The following SYTL5 variants were observed in gnomAD, a reference collection of about 807,000 sequenced individuals.
The protein encoded by SYTL5 is synaptotagmin like 5, also known as synaptotagmin-like protein 5.
SYTL5 carries 34 observed loss-of-function variants against 55.9 expected under a neutral mutation model. The ratio of observed to expected loss-of-function variants is 0.61; its 90% CI spans 0.46 to 0.81. The LOEUF (loss-of-function observed/expected upper bound fraction) is 0.81, where lower values mean the gene tolerates loss of function less well. Among genes scored for constraint, SYTL5 ranks in the 30% least tolerant of loss-of-function variants. The probability of loss-of-function intolerance (pLI) is 0.00; values close to 1 mark genes in which losing one functional copy is unlikely to be tolerated. For missense variants in SYTL5, 637 were observed against 546.7 expected, an observed-to-expected ratio of 1.17 and a Z score of -1.65; for synonymous variants, 221 against 188.7, an observed-to-expected ratio of 1.17 and a Z score of -1.40.
the SYTL5 span, among the ~76,000 whole-genome samples, chrX:37,916,190 A>G: frequency 2.7e-5 from 3 of 111,586 alleles, no homozygotes; most frequent in Admixed American, 9.5e-5. Flanking sequence ...CCACTTTAGA[A>G]TAACTCCCTA....
intron 12 of SYTL5, 118 bp from the exon 13 acceptor site, chrX:38,110,203 G>T: frequency 2.2e-6 from 1 of 462,145 alleles, no homozygotes; most frequent in Non-Finnish European, 3.4e-6. Flanking sequence ...CTTTGTGTTT[G>T]TTTTGTTCAT....
At chrX:37,933,503 C>G in the SYTL5 span, among the ~76,000 whole-genome samples, 3 of 111,665 alleles carry the variant, frequency 2.7e-5, no homozygotes, top group Non-Finnish European at 5.6e-5. Flanking sequence ...GTCTGTGGTT[C>G]CCTGAAAGAT....
the SYTL5 span, among the ~76,000 whole-genome samples, chrX:37,993,426 G>C: frequency 8.9e-6 from 1 of 112,253 alleles, no homozygotes; most frequent in Non-Finnish European, 1.9e-5. Flanking sequence ...CTGTCACCAA[G>C]TTTGCCTAGC....
At chrX:38,040,313 T>G (rs1041234529) in intron 2 of SYTL5, among the ~76,000 whole-genome samples, 3 of 111,994 alleles carry the variant, frequency 2.7e-5, no homozygotes, top group African/African-American at 9.7e-5. Context: ...CCTCAAGTGT[T>G]TATCCCTTGA....
intron 1 of SYTL5, among the ~76,000 whole-genome samples, chrX:38,025,713 A>C (rs2147163396): frequency 8.9e-6 from 1 of 112,421 alleles, no homozygotes; most frequent in Non-Finnish European, 1.9e-5. Flanking sequence ...ATTTAACTAA[A>C]AGAATGAGGA....
chrX:38,005,013 C>G (rs1287610266), upstream of SYTL5, among the ~76,000 whole-genome samples: 2 of 111,134 alleles, frequency 1.8e-5, no homozygotes, highest in African/African-American at 6.5e-5. Flanking sequence ...TATTGCAAGC[C>G]TGTATCAAAA....
chrX:38,025,824 T>G (rs1275672680), intron 1 of SYTL5, among the ~76,000 whole-genome samples: 1 of 112,172 alleles, frequency 8.9e-6, no homozygotes, highest in Non-Finnish European at 1.9e-5. Flanking sequence ...ACAGTGATGA[T>G]ATATCCTCAG....
At chrX:38,048,880 G>A (rs1025610277) in intron 2 of SYTL5, among the ~76,000 whole-genome samples, 2 of 112,015 alleles carry the variant, frequency 1.8e-5, no homozygotes, top group East Asian at 5.6e-4. Context: ...GTGAAATTTA[G>A]GTTTTAATGA....
chrX:37,896,089 A>C, the SYTL5 span, among the ~76,000 whole-genome samples: 1 of 112,217 alleles, frequency 8.9e-6, no homozygotes, highest in Non-Finnish European at 1.9e-5. Flanking sequence ...AAACAGCTAA[A>C]AGACTGCACA....
At chrX:38,023,313 G>A (rs1934626843) in intron 1 of SYTL5, among the ~76,000 whole-genome samples, 1 of 111,513 alleles carries the variant, frequency 9.0e-6, no homozygotes, top group Non-Finnish European at 1.9e-5. Context: ...TCTTACTCTA[G>A]TCAGTCACCA....
In SYTL5 at chrX:38,024,534, A is replaced by G. The variant is rs1372201081; in HGVS notation, c.-356-9000A>G. On this transcript the variant is annotated intron_variant, in intron 1 of 16. Coordinates refer to ENST00000297875, the MANE Select transcript of SYTL5 (RefSeq NM_138780.3). ...AATATCTAATAACATCTCATGGGAT[A>G]CTGTTGTTCCATGAAGTCACTGTGT... Among the ~76,000 whole-genome samples, 7 of 111,465 alleles carry G rather than the reference A, an allele frequency of 6.3e-5. No homozygotes were observed. In the Admixed American group the frequency reaches 6.7e-4, roughly 11 times the overall value.
chrX:38,126,800 G>C lies in SYTL5; in HGVS notation c.*70G>C. 2 of 1,056,701 alleles carry C rather than the reference G, an allele frequency of 1.9e-6. No homozygotes were observed. The highest frequency in any genetic ancestry group is 4.5e-5 in the South Asian group (2 of 44,400). The allele number at this position is 1,056,701 out of a possible 1,213,427, so 87.1% of individuals were successfully genotyped here. ...TGTCTTTTCCTACCATTAGCAAACTGAGACCTGGGATTCTGCTTCCCTGCC... is the reference window on the plus strand; with the variant it reads ...TGTCTTTTCCTACCATTAGCAAACTCAGACCTGGGATTCTGCTTCCCTGCC... On this transcript the variant is annotated 3_prime_UTR_variant, in exon 17 of 17. Transcript: ENST00000297875.
chrX:38,096,659 G>C (rs1159826988), intron 9 of SYTL5, among the ~76,000 whole-genome samples: 3 of 111,256 alleles, frequency 2.7e-5, no homozygotes, highest in Non-Finnish European at 5.7e-5. Context: ...TAATGTTTCA[G>C]TGAACTCATT....
At chrX:38,027,885 A>C (rs1934832034) in intron 1 of SYTL5, among the ~76,000 whole-genome samples, 1 of 106,736 alleles carries the variant, frequency 9.4e-6, no homozygotes, top group South Asian at 4.3e-4. Context: ...GTGCAATGGC[A>C]AAATCTCGGC....
rs1442260970 is a variant in SYTL5 at position 38,126,776 on chromosome X, G to A, written c.*46G>A. ...TGAGGCCACCAGGACCTATCTGGCT[G>A]TCTTTTCCTACCATTAGCAAACTGA... is the stretch of plus-strand genomic sequence containing the variant. On this transcript the variant is annotated 3_prime_UTR_variant, in exon 17 of 17. Coordinates refer to ENST00000297875, the MANE Select transcript of SYTL5 (RefSeq NM_138780.3). The A allele has an allele frequency of 1.7e-6, 2 of 1,150,492 alleles. No individual in the cohort carries two copies. Among genetic ancestry groups the A allele is most frequent in the African/African-American group, 1.8e-5 (1 of 55,674 alleles). 94.8% of individuals were successfully genotyped at this position (1,150,492 alleles called of 1,213,427 possible).
chrX:38,106,030 T>G (rs1937202034), intron 10 of SYTL5, among the ~76,000 whole-genome samples: 1 of 111,931 alleles, frequency 8.9e-6, no homozygotes, highest in South Asian at 3.8e-4. Context: ...TTGAGGGAAA[T>G]CATGGAAGCT....
At chrX:37,947,312 C>T in the SYTL5 span, among the ~76,000 whole-genome samples, 25 of 111,503 alleles carry the variant, frequency 2.2e-4, no homozygotes, top group Admixed American at 1.7e-3. Context: ...CCCCACGTGT[C>T]GGAGGAGGGA....
At chrX:37,992,656 C>T in the SYTL5 span, among the ~76,000 whole-genome samples, 1 of 112,367 alleles carries the variant, frequency 8.9e-6, no homozygotes, top group Admixed American at 9.4e-5. Context: ...TAACAGCAGA[C>T]CTGTAGGCAG....
intron 9 of SYTL5, 91 bp from the exon 10 acceptor site, chrX:38,102,251 A>T: frequency 3.5e-6 from 2 of 578,811 alleles, no homozygotes; most frequent in African/African-American, 2.4e-5. Context: ...CTGATTCTCA[A>T]ATATTTATGA....
Sources: allele counts gnomAD v4.1 joint callset (sites outside exome capture counted in the v4.1 genomes callset), GRCh38; gene constraint gnomAD v4.1.1; transcripts MANE v1.5; gene names NCBI Gene and HGNC (gene_info 2026-07-23, HGNC 2026-07-21).